The following MACROD2 variants were observed in gnomAD, a reference collection of about 807,000 sequenced individuals.
The protein encoded by MACROD2 is mono-ADP ribosylhydrolase 2, also known as ADP-ribose glycohydrolase MACROD2.
MACROD2 carries 36 observed loss-of-function variants against 70.4 expected under a neutral mutation model. The ratio of observed to expected loss-of-function variants is 0.51; its 90% confidence interval spans 0.39 to 0.68. The LOEUF is 0.68. Ranked by LOEUF, MACROD2 falls within the 30% of genes least tolerant of loss-of-function variation. The probability of loss-of-function intolerance (pLI) is 0.00; values close to 1 mark genes in which losing one functional copy is unlikely to be tolerated. For missense variants in MACROD2, 496 were observed against 538.4 expected, an observed-to-expected ratio of 0.92 and a Z score of 0.78; for synonymous variants, 172 against 178.8, an observed-to-expected ratio of 0.96 and a Z score of 0.30.
chr20:15,254,890 A>T (rs1176735470), intron 6 of MACROD2, among the ~76,000 whole-genome samples: 1 of 150,204 alleles, frequency 6.7e-6, no homozygotes, highest in South Asian at 2.1e-4. Flanking sequence ...GTCAAACGTG[A>T]ATTCCTTGAA....
chr20:14,041,030 C>T (rs1486172709), intron 2 of MACROD2, among the ~76,000 whole-genome samples: 8 of 152,132 alleles, frequency 5.3e-5, no homozygotes, highest in African/African-American at 1.9e-4. Flanking sequence ...TGGTAGAATT[C>T]GCATAGTTCT....
intron 5 of MACROD2, among the ~76,000 whole-genome samples, chr20:14,829,108 CCA>C (rs960164889): frequency 6.6e-6 from 1 of 151,176 alleles, no homozygotes; most frequent in African/African-American, 2.4e-5. Context: ...CTCCCCCGCC[CCA>C]CAGTGTGTTG....
intron 8 of MACROD2, among the ~76,000 whole-genome samples, chr20:15,524,332 C>G (rs1331850674): frequency 1.3e-5 from 2 of 152,010 alleles, no homozygotes; most frequent in Non-Finnish European, 2.9e-5. Flanking sequence ...AGAGACTCCA[C>G]TAACTTGCTA....
At chr20:15,103,012 A>G (rs577912638) in intron 5 of MACROD2, among the ~76,000 whole-genome samples, 3 of 152,164 alleles carry the variant, frequency 2.0e-5, no homozygotes, top group African/African-American at 7.2e-5. Context: ...AGACATAAAT[A>G]TATGTTTAAA....
At chr20:15,359,996 CAA>C (rs1244483571) in intron 6 of MACROD2, among the ~76,000 whole-genome samples, 2 of 152,264 alleles carry the variant, frequency 1.3e-5, no homozygotes, top group South Asian at 4.1e-4. Flanking sequence ...CATTCATAGT[CAA>C]ACTCACTCCC....
chr20:15,185,857 G>A (rs77478570), intron 5 of MACROD2, among the ~76,000 whole-genome samples: 4,544 of 152,232 alleles, frequency 0.03, 226 homozygotes, highest in African/African-American at 0.1. Flanking sequence ...TTATCATCAA[G>A]TTTCAAAGTG....
At chr20:14,147,477 A>G (rs2054956892) in intron 3 of MACROD2, among the ~76,000 whole-genome samples, 1 of 152,204 alleles carries the variant, frequency 6.6e-6, no homozygotes, top group South Asian at 2.1e-4. Context: ...AACTATCATC[A>G]TTATTTAAAT....
At chr20:14,835,224 C>T (rs6110444) in intron 5 of MACROD2, among the ~76,000 whole-genome samples, 38,581 of 151,612 alleles carry the variant, frequency 0.25, 5,672 homozygotes, top group African/African-American at 0.39. Context: ...AAAAGTCAAC[C>T]TCCCTGGACA....
chr20:14,445,505 C>T (rs1240103574), intron 3 of MACROD2, among the ~76,000 whole-genome samples: 1 of 151,964 alleles, frequency 6.6e-6, no homozygotes, highest in African/African-American at 2.4e-5. Context: ...ACACATTTCC[C>T]CAATTCCCCA....
intron 3 of MACROD2, among the ~76,000 whole-genome samples, chr20:14,275,368 C>A (rs1305182396): frequency 9.9e-5 from 15 of 152,082 alleles, no homozygotes; most frequent in Non-Finnish European, 1.9e-4. Flanking sequence ...CTGAGAAAAA[C>A]AAGCAATGGG....
At chr20:14,349,523 A>G (rs2083099312) in intron 3 of MACROD2, among the ~76,000 whole-genome samples, 1 of 148,266 alleles carries the variant, frequency 6.7e-6, no homozygotes, top group African/African-American at 2.4e-5. Flanking sequence ...TATATATTGT[A>G]TCTATATGGT....
At chr20:14,345,511 GT>G (rs879691055) in intron 3 of MACROD2, among the ~76,000 whole-genome samples, 15 of 147,882 alleles carry the variant, frequency 1.0e-4, no homozygotes, top group Admixed American at 4.0e-4. Context: ...TTATTTGAAG[GT>G]TTTTTTTTTT....
intron 8 of MACROD2, among the ~76,000 whole-genome samples, chr20:15,710,403 T>C (rs776445802): frequency 6.6e-6 from 1 of 152,148 alleles, no homozygotes; most frequent in South Asian, 2.1e-4. Flanking sequence ...CCCAAAGCCA[T>C]ATATAAAGTA....
At chr20:15,338,769 G>C (rs939905972) in intron 6 of MACROD2, among the ~76,000 whole-genome samples, 2 of 151,676 alleles carry the variant, frequency 1.3e-5, no homozygotes, top group Admixed American at 1.3e-4. Flanking sequence ...CAGAATTTCA[G>C]TTCTTAAGCA....
At chr20:15,708,717 A>T (rs1261664694) in intron 8 of MACROD2, among the ~76,000 whole-genome samples, 1 of 134,266 alleles carries the variant, frequency 7.4e-6, no homozygotes, top group Non-Finnish European at 1.8e-5. Flanking sequence ...TACAAATAAA[A>T]AATAAATAAA....
In MACROD2 at chr20:15,407,511, C is replaced by T. The variant is rs564297893; in HGVS notation, c.541-23894C>T. 1.9e-4 allele frequency among the ~76,000 whole-genome samples: 29 copies of T among 152,304 alleles called. 1 individual carries two copies. The South Asian group carries it at 4.6e-3, about 24-fold the overall frequency. ...TTTGGGGATCCCAACTTGAGAAGCT[C>T]TATAACTGTTCCTTTTATTCCTAGG... On this transcript the variant is annotated intron_variant, in intron 6 of 17. Transcript: ENST00000684519.
chr20:14,747,650 T>C (rs951793954), intron 5 of MACROD2, among the ~76,000 whole-genome samples: 6 of 152,112 alleles, frequency 3.9e-5, no homozygotes, highest in African/African-American at 1.4e-4. Context: ...CTGAGGCTCT[T>C]GCTCGGGTGG....
At chr20:14,269,456 G>A (rs1176535940) in intron 3 of MACROD2, among the ~76,000 whole-genome samples, 1 of 151,972 alleles carries the variant, frequency 6.6e-6, no homozygotes, top group Non-Finnish European at 1.5e-5. Flanking sequence ...TTATTAAGTT[G>A]GGTTATTCTT....
At chr20:14,383,309 T>TTTTTTTTGC (rs987791990) in intron 3 of MACROD2, among the ~76,000 whole-genome samples, 1 of 390 alleles carries the variant, frequency 2.6e-3, no homozygotes, top group African/African-American at 3.2e-3. Context: ...CGTTTTTTGT[T>TTTTTTTTGC]TTTTTTTTTG....
Sources: gnomAD v4.1 joint callset for allele counts (sites outside exome capture counted in the v4.1 genomes callset) on GRCh38, gnomAD v4.1.1 for gene constraint, MANE v1.5 for transcripts, NCBI Gene and HGNC (gene_info 2026-07-23, HGNC 2026-07-21) for gene names.